The following GABBR2 variants were observed in gnomAD, a reference collection of about 807,000 sequenced individuals.
The protein encoded by GABBR2 is G-protein coupled receptor 51.
Under a neutral mutation model 105.6 loss-of-function variants are expected in GABBR2, and 23 were observed. The ratio of observed to expected loss-of-function variants is 0.22; its 90% CI spans 0.16 to 0.31. GABBR2 has a LOEUF of 0.31. GABBR2 is among the 10% of genes least tolerant of loss of function. The pLI is 1.00. For synonymous variants in GABBR2, 478 were observed against 499.7 expected (o/e 0.96, Z 0.58); for missense variants, 734 against 1,245.5 (o/e 0.59, Z 6.18).
At chr9:98,591,484 A>G (rs575800698) in intron 1 of GABBR2, among the ~76,000 whole-genome samples, 1 of 152,268 alleles carries the variant, frequency 6.6e-6, no homozygotes, top group African/African-American at 2.4e-5. Flanking sequence ...CTTGCTTTAC[A>G]CAGATGCCTC....
At chr9:98,508,530 C>T (rs1366741673) in intron 3 of GABBR2, among the ~76,000 whole-genome samples, 2 of 152,240 alleles carry the variant, frequency 1.3e-5, no homozygotes, top group African/African-American at 4.8e-5. Context: ...AAAGGGGTAA[C>T]AGACGGCACC....
At chr9:98,486,730 C>T (rs924268452) in intron 4 of GABBR2, among the ~76,000 whole-genome samples, 22 of 152,342 alleles carry the variant, frequency 1.4e-4, no homozygotes, top group Non-Finnish European at 2.6e-4. Context: ...CTGGCCATGA[C>T]CTGGGCCAGC....
intron 1 of GABBR2, among the ~76,000 whole-genome samples, chr9:98,615,059 A>C (rs1443955994): frequency 2.0e-5 from 3 of 152,184 alleles, no homozygotes; most frequent in African/African-American, 7.2e-5. Flanking sequence ...GGATCCTTCC[A>C]TGAGAAGAAA....
chr9:98,701,871 T>C (rs1308909000), intron 1 of GABBR2, among the ~76,000 whole-genome samples: 2 of 152,136 alleles, frequency 1.3e-5, no homozygotes, highest in Admixed American at 6.5e-5. Context: ...ATTAGACTTA[T>C]TCCTTATAAC....
At chr9:98,457,730 G>C (rs1279057340) in intron 6 of GABBR2, among the ~76,000 whole-genome samples, 1 of 152,162 alleles carries the variant, frequency 6.6e-6, no homozygotes, top group East Asian at 1.9e-4. Flanking sequence ...AGTCGTTGCT[G>C]CCACATGATA....
At position 98,421,691 on chromosome 9, in the gene GABBR2, A is replaced by G. The variant is rs117333968; in HGVS notation, c.1237-15550T>C. Among the ~76,000 whole-genome samples the G allele has an allele frequency of 4.4e-3, 677 of 152,354 alleles. 2 individuals carry two copies. Among genetic ancestry groups the G allele is most frequent in the Non-Finnish European group, 7.0e-3 (475 of 68,032 alleles). On this transcript the variant is annotated intron_variant, in intron 7 of 18. Coordinates refer to ENST00000259455, the MANE Select transcript of GABBR2 (RefSeq NM_005458.8). Reference sequence around the variant, plus strand: ...GAATAAAGGGTTAATAGGTAAGCACATTTTTGGAAGGAAATTTAATTTCCA... The same window carrying G: ...GAATAAAGGGTTAATAGGTAAGCACGTTTTTGGAAGGAAATTTAATTTCCA...
chr9:98,438,976 TTAACA>T (rs1439626615), intron 7 of GABBR2, among the ~76,000 whole-genome samples: 6 of 152,226 alleles, frequency 3.9e-5, no homozygotes, highest in African/African-American at 1.4e-4. Flanking sequence ...CCACAGTGAC[TTAACA>T]TAAAGATAAA....
At chr9:98,338,364 A>T (rs1215458875) in intron 13 of GABBR2, among the ~76,000 whole-genome samples, 1 of 152,224 alleles carries the variant, frequency 6.6e-6, no homozygotes, top group African/African-American at 2.4e-5. Context: ...AATATTTGTA[A>T]ATTATATATC....
chr9:98,293,814 A>G lies in GABBR2; in HGVS notation c.2631T>C (p.Asp877=), dbSNP rs141289569. ...CTGGAGAGTTTATATCTTCTATAGG[A>G]TCTTTGCATGTTCGAGAGGGCTCTG... ...NTTEPSRTCK[D]PIEDINSPEH... is the part of the protein sequence containing the mutation. The change falls in exon 18 of 19, where the codon GAT becomes GAC. Residue 877 remains aspartate (D), a synonymous_variant. Coordinates refer to ENST00000259455, the MANE Select transcript of GABBR2 (RefSeq NM_005458.8). The G allele has an allele frequency of 5.6e-5, 90 of 1,600,838 alleles. No individual in the cohort carries two copies. Among genetic ancestry groups the G allele is most frequent in the Admixed American group, 2.2e-4 (13 of 59,980 alleles).
intron 1 of GABBR2, among the ~76,000 whole-genome samples, chr9:98,620,247 T>TTCTCTCTCTCTCTCTC (rs112127893): frequency 2.7e-5 from 4 of 146,504 alleles, no homozygotes; most frequent in Non-Finnish European, 4.5e-5. Flanking sequence ...TTTTCTCTCT[T>TTCTCTCTCTCTCTCTC]TCTCTCTCTC....
At chr9:98,376,012 C>G (rs550816985) in intron 11 of GABBR2, among the ~76,000 whole-genome samples, 1 of 152,308 alleles carries the variant, frequency 6.6e-6, no homozygotes, top group African/African-American at 2.4e-5. Context: ...TAACATCTTT[C>G]TTTTTCTCCC....
chr9:98,563,068 CAAAAAAAAAAAAA>C (rs56185925), intron 2 of GABBR2, among the ~76,000 whole-genome samples: 66 of 63,030 alleles, frequency 1.0e-3, no homozygotes, highest in Admixed American at 2.4e-3. Context: ...AGACCCTGTC[CAAAAAAAAAAAAA>C]AAAAAAAAAA....
At position 98,635,291 on chromosome 9, in the gene GABBR2, A is replaced by G. The variant is rs1829861701; in HGVS notation, c.322-57219T>C. 2.6e-5 allele frequency among the ~76,000 whole-genome samples: 4 copies of G among 152,296 alleles called. 1 individual carries two copies. In the South Asian group the frequency reaches 8.3e-4, roughly 32 times the overall value. On this transcript the variant is annotated intron_variant, in intron 1 of 18. Coordinates refer to ENST00000259455, the MANE Select transcript of GABBR2 (RefSeq NM_005458.8). ...ACAGCCACTGAGGTTGGGTGGGCAC[A>G]CCAGACCCAAGTTCAGGAAGAGTGG...
chr9:98,588,250 G>T (rs558602884), intron 1 of GABBR2, among the ~76,000 whole-genome samples: 10 of 152,196 alleles, frequency 6.6e-5, no homozygotes, highest in African/African-American at 2.4e-4. Context: ...ATATCCAACT[G>T]AATTAAATAT....
intron 1 of GABBR2, among the ~76,000 whole-genome samples, chr9:98,588,241 T>C (rs539756153): frequency 6.6e-6 from 1 of 152,202 alleles, no homozygotes; most frequent in South Asian, 2.1e-4. Context: ...CCCAGCACCA[T>C]ATCCAACTGA....
At chr9:98,618,486 A>ATCTCTC (rs10611275) in intron 1 of GABBR2, among the ~76,000 whole-genome samples, 3,115 of 145,120 alleles carry the variant, frequency 0.021, 37 homozygotes, top group Admixed American at 0.033. Context: ...GGTCTGCTGC[A>ATCTCTC]TCTCTCTCTC....
chr9:98,667,554 T>G (rs1830352618), intron 1 of GABBR2, among the ~76,000 whole-genome samples: 1 of 152,130 alleles, frequency 6.6e-6, no homozygotes, highest in African/African-American at 2.4e-5. Context: ...CCCAACACCC[T>G]TGCCTTGATT....
chr9:98,430,936 G>GTT (rs77111259), intron 7 of GABBR2, among the ~76,000 whole-genome samples: 1,513 of 144,254 alleles, frequency 0.01, 19 homozygotes, highest in African/African-American at 0.036. Context: ...TATTTGGACT[G>GTT]TTTTTTTTTT....
At chr9:98,529,317 A>G (rs1172065037) in intron 3 of GABBR2, among the ~76,000 whole-genome samples, 3 of 152,280 alleles carry the variant, frequency 2.0e-5, no homozygotes, top group Non-Finnish European at 4.4e-5. Context: ...GCTATGGCAC[A>G]GATTGGGGTC....
Sources: gnomAD v4.1 joint callset for allele counts (sites outside exome capture counted in the v4.1 genomes callset) on GRCh38, gnomAD v4.1.1 for gene constraint, MANE v1.5 for transcripts, NCBI Gene and HGNC (gene_info 2026-07-23, HGNC 2026-07-21) for gene names.